The following UTRN variants were observed in gnomAD, a reference collection of about 807,000 sequenced individuals.
UTRN encodes the protein dystrophin-related protein 1.
UTRN carries 283 observed loss-of-function variants against 463.9 expected under a neutral mutation model. The ratio of observed to expected loss-of-function variants is 0.61; its 90% CI spans 0.55 to 0.67. UTRN has a LOEUF of 0.67. Among genes scored for constraint, UTRN ranks in the 30% least tolerant of loss-of-function variants. The probability of loss-of-function intolerance (pLI) is 0.00; values close to 1 mark genes in which losing one functional copy is unlikely to be tolerated. For missense variants in UTRN, 3,922 were observed against 4,084.3 expected, an observed-to-expected ratio of 0.96 and a Z score of 1.08; for synonymous variants, 1,442 against 1,431.5, an observed-to-expected ratio of 1.01 and a Z score of -0.17.
intron 73 of UTRN, among the ~76,000 whole-genome samples, chr6:144,844,845 C>T (rs1056473967): frequency 6.6e-6 from 1 of 152,186 alleles, no homozygotes; most frequent in African/African-American, 2.4e-5. Context: ...TTTAAAAATG[C>T]TTGTCGCCAG....
At chr6:144,468,613 T>TGTGC (rs1013335052) in intron 23 of UTRN, among the ~76,000 whole-genome samples, 6 of 152,040 alleles carry the variant, frequency 3.9e-5, no homozygotes, top group Admixed American at 3.3e-4. Flanking sequence ...TGTGTGTGTG[T>TGTGC]GTGCATGCGT....
chr6:144,698,399 G>T (rs1015664555), intron 52 of UTRN, among the ~76,000 whole-genome samples: 6 of 152,200 alleles, frequency 3.9e-5, no homozygotes, highest in African/African-American at 1.4e-4. Context: ...TTTACAAAAT[G>T]CTTTGAACTT....
chr6:144,314,306 C>T (rs921220439), intron 2 of UTRN, among the ~76,000 whole-genome samples: 3 of 152,198 alleles, frequency 2.0e-5, no homozygotes, highest in African/African-American at 2.4e-5. Context: ...GCCTGGTTTC[C>T]GCATTCCCTG....
chr6:144,377,312 CAGG>C (rs1300245247), intron 2 of UTRN, among the ~76,000 whole-genome samples: 4 of 152,164 alleles, frequency 2.6e-5, no homozygotes, highest in African/African-American at 9.7e-5. Context: ...GCTGGGATTA[CAGG>C]TGTGAGCCAC....
chr6:144,439,877 A>AT (rs1786972326), intron 12 of UTRN, among the ~76,000 whole-genome samples: 1 of 152,224 alleles, frequency 6.6e-6, no homozygotes, highest in African/African-American at 2.4e-5. Flanking sequence ...TAAGGTGTCC[A>AT]TACTTCTTTA....
At chr6:144,539,474 C>T (rs1797812012) in intron 45 of UTRN, 31 bp downstream of exon 45, 2 of 1,546,900 alleles carry the variant, frequency 1.3e-6, no homozygotes, top group Non-Finnish European at 1.7e-6. Context: ...ACACATTTCT[C>T]ATATTTATTG....
chr6:144,662,939 A>G (rs1327982650), intron 51 of UTRN, among the ~76,000 whole-genome samples: 2 of 152,188 alleles, frequency 1.3e-5, no homozygotes, highest in South Asian at 2.1e-4. Context: ...TTATACTCAT[A>G]TAAGAATGTT....
Position 144,447,228 on chromosome 6 carries a change from G to T in UTRN, c.1632G>T (p.Trp544Cys). The change falls in exon 15 of 75, where the codon TGG (tryptophan) becomes TGT (cysteine). Residue 544 changes from tryptophan (W) to cysteine (C), a missense_variant. Transcript: ENST00000367545. ...ACTTGTAGTGCTTGTTGAAAGCTTGGTTAACCGAAAAAGAAGAGGCTTTAA... is the reference window on the plus strand; with the variant it reads ...ACTTGTAGTGCTTGTTGAAAGCTTGTTTAACCGAAAAAGAAGAGGCTTTAA... ...LLEEQCLLKA[W>C]LTEKEEALNK... 2 of 1,613,820 alleles carry T rather than the reference G, an allele frequency of 1.2e-6. No homozygotes were observed. The highest frequency in any genetic ancestry group is 1.7e-6 in the Non-Finnish European group (2 of 1,179,836).
chr6:144,352,753 T>C (rs1333768272), intron 2 of UTRN, among the ~76,000 whole-genome samples: 1 of 152,210 alleles, frequency 6.6e-6, no homozygotes, highest in African/African-American at 2.4e-5. Context: ...GGTAAATCTA[T>C]GTCTTGATTA....
In UTRN at chr6:144,803,451, T is replaced by C. The variant is rs75055922; in HGVS notation, c.9357+304T>C. Among the ~76,000 whole-genome samples the C allele has an allele frequency of 3.2e-4, 49 of 152,174 alleles. No individual in the cohort carries two copies. The East Asian group carries it at 8.7e-3, about 27-fold the overall frequency. ...ATCATGTTTCTTTTAGACATATTTA[T>C]GCTTTCATAGTTAAATACCATATTC... On this transcript the variant is annotated intron_variant, in intron 65 of 74. Coordinates refer to ENST00000367545, the MANE Select transcript of UTRN (RefSeq NM_007124.3).
At chr6:144,423,712 A>G in intron 5 of UTRN, 86 bp downstream of exon 5, 1 of 1,432,122 alleles carries the variant, frequency 7.0e-7, no homozygotes, top group Non-Finnish European at 9.8e-7. Context: ...ATGCATTGGC[A>G]TCCACTGATT....
chr6:144,735,765 T>C (rs1320665832), intron 54 of UTRN, among the ~76,000 whole-genome samples: 2 of 152,134 alleles, frequency 1.3e-5, no homozygotes, highest in Non-Finnish European at 2.9e-5. Context: ...CTCTTCTCAG[T>C]GGTCAGTCAT....
At position 144,394,728 on chromosome 6, in the gene UTRN, A is replaced by AT. The variant is rs1008824781; in HGVS notation, c.80-8388dup. The stretch of plus-strand genomic sequence containing the variant: ...CTCTTTTTCTTTGGATATTTTATAC[A>AT]TTTTTTTGTTTGAAAATTGCTGTTT... On this transcript the variant is annotated intron_variant, in intron 2 of 74. Transcript: ENST00000367545. Among the ~76,000 whole-genome samples the AT allele has an allele frequency of 7.9e-5, 12 of 151,952 alleles. No individual in the cohort carries two copies. The South Asian group carries it at 8.3e-4, about 10-fold the overall frequency.
At chr6:144,755,615 C>A (rs1173429033) in intron 57 of UTRN, among the ~76,000 whole-genome samples, 1 of 152,166 alleles carries the variant, frequency 6.6e-6, no homozygotes, top group Non-Finnish European at 1.5e-5. Context: ...TAGCACAGTT[C>A]TTGACACAAA....
chr6:144,403,572 T>C (rs1783113937), intron 3 of UTRN, among the ~76,000 whole-genome samples: 2 of 152,342 alleles, frequency 1.3e-5, no homozygotes, highest in South Asian at 4.1e-4. Flanking sequence ...GCAGTCTTTC[T>C]ACCCTGTCAG....
chr6:144,611,761 G>A (rs945767254), intron 51 of UTRN, among the ~76,000 whole-genome samples: 2 of 152,138 alleles, frequency 1.3e-5, no homozygotes, highest in African/African-American at 4.8e-5. Flanking sequence ...ACTTCATATT[G>A]TGAAAATTTC....
At chr6:144,571,235 GTTT>G (rs1800910729) in intron 50 of UTRN, among the ~76,000 whole-genome samples, 2 of 151,950 alleles carry the variant, frequency 1.3e-5, no homozygotes, top group African/African-American at 4.8e-5. Context: ...TTCTGTTGAT[GTTT>G]TAAAAATGGA....
At chr6:144,342,403 A>G (rs1475348962) in intron 2 of UTRN, among the ~76,000 whole-genome samples, 2 of 152,098 alleles carry the variant, frequency 1.3e-5, no homozygotes, top group Non-Finnish European at 2.9e-5. Context: ...ATGAAAATGT[A>G]TGCCCACATC....
At chr6:144,603,951 G>A (rs1012339070) in intron 51 of UTRN, among the ~76,000 whole-genome samples, 3 of 152,162 alleles carry the variant, frequency 2.0e-5, no homozygotes, top group African/African-American at 7.2e-5. Context: ...TAAAATGTTT[G>A]AATTATAGGG....
Sources: allele counts gnomAD v4.1 joint callset (sites outside exome capture counted in the v4.1 genomes callset), GRCh38; gene constraint gnomAD v4.1.1; transcripts MANE v1.5; gene names NCBI Gene and HGNC (gene_info 2026-07-23, HGNC 2026-07-21).